The following MEGF10 variants were observed in gnomAD, a reference collection of about 807,000 sequenced individuals.
MEGF10 encodes the protein multiple EGF like domains 10.
In MEGF10, 86 loss-of-function variants were observed where a neutral mutation model predicts 147.5. That is an observed-to-expected ratio of 0.58 (90% confidence interval 0.49 to 0.70). MEGF10 has a LOEUF of 0.70. Ranked by LOEUF, MEGF10 falls within the 30% of genes least tolerant of loss-of-function variation. The probability of loss-of-function intolerance (pLI) is 0.00; values close to 1 mark genes in which losing one functional copy is unlikely to be tolerated. For synonymous variants in MEGF10, 478 were observed against 525.5 expected, an observed-to-expected ratio of 0.91 and a Z score of 1.24; for missense variants, 1,329 against 1,487.3, an observed-to-expected ratio of 0.89 and a Z score of 1.75.
At chr5:127,430,403 C>A (rs935901111) in intron 13 of MEGF10, among the ~76,000 whole-genome samples, 7 of 152,294 alleles carry the variant, frequency 4.6e-5, no homozygotes, top group Admixed American at 3.9e-4. Context: ...ACTTACAACT[C>A]TTCATCCTGG....
intron 5 of MEGF10, among the ~76,000 whole-genome samples, chr5:127,388,540 TA>T (rs1763524531): frequency 6.7e-6 from 1 of 150,226 alleles, no homozygotes; most frequent in Non-Finnish European, 1.5e-5. Flanking sequence ...TTTATTTATT[TA>T]TTTATTTATT....
the MEGF10 span, among the ~76,000 whole-genome samples, chr5:127,249,353 GAGA>G: frequency 1.1e-4 from 17 of 150,320 alleles, no homozygotes; most frequent in South Asian, 4.2e-4. Context: ...GAGAGAGAGA[GAGA>G]AGAAGAAGGA....
At chr5:127,262,562 C>G in the MEGF10 span, among the ~76,000 whole-genome samples, 28 of 152,172 alleles carry the variant, frequency 1.8e-4, no homozygotes, top group Non-Finnish European at 3.4e-4. Flanking sequence ...GGTGTCTAGA[C>G]AGAAAGCAGG....
At chr5:127,433,197 T>C (rs911198410) in intron 13 of MEGF10, among the ~76,000 whole-genome samples, 166 bp from the exon 14 acceptor site, 4 of 152,362 alleles carry the variant, frequency 2.6e-5, no homozygotes, top group African/African-American at 9.6e-5. Context: ...ATTATTTTAA[T>C]GTTATGATAC....
intron 4 of MEGF10, among the ~76,000 whole-genome samples, chr5:127,341,190 G>A (rs1431503802): frequency 6.6e-6 from 1 of 152,190 alleles, no homozygotes; most frequent in African/African-American, 2.4e-5. Context: ...CTTGAGAGAA[G>A]TTTCGTATCT....
intron 5 of MEGF10, among the ~76,000 whole-genome samples, chr5:127,377,380 C>T (rs1300209392): frequency 1.3e-5 from 2 of 152,302 alleles, no homozygotes; most frequent in Middle Eastern, 3.4e-3. Context: ...TTTTCAAATG[C>T]TTGTCCCTCG....
the MEGF10 span, among the ~76,000 whole-genome samples, chr5:127,277,846 A>G: frequency 3.3e-5 from 5 of 152,186 alleles, no homozygotes; most frequent in Admixed American, 6.5e-5. Flanking sequence ...AATGAAAGGA[A>G]AAAGATGCCA....
chr5:127,255,626 A>C, the MEGF10 span, among the ~76,000 whole-genome samples: 1 of 152,194 alleles, frequency 6.6e-6, no homozygotes, highest in Non-Finnish European at 1.5e-5. Context: ...AATACAATGG[A>C]TAGAGCTAAA....
chr5:127,277,926 G>A, the MEGF10 span, among the ~76,000 whole-genome samples: 1 of 152,152 alleles, frequency 6.6e-6, no homozygotes, highest in Admixed American at 6.6e-5. Flanking sequence ...TAGGAGTTGG[G>A]TTTTGAACAT....
chr5:127,331,876 T>C (rs1355341414), intron 2 of MEGF10, among the ~76,000 whole-genome samples: 2 of 152,014 alleles, frequency 1.3e-5, no homozygotes, highest in Non-Finnish European at 1.5e-5. Flanking sequence ...CTAAATTTGG[T>C]GTAAACTGGC....
At chr5:127,309,957 CT>C (rs1291325184) in intron 1 of MEGF10, among the ~76,000 whole-genome samples, 2 of 58,746 alleles carry the variant, frequency 3.4e-5, no homozygotes, top group Non-Finnish European at 7.5e-5. Flanking sequence ...CTCTTTCTTT[CT>C]TTCTTTCTTT....
chr5:127,296,809 A>G (rs1759521944), intron 1 of MEGF10, among the ~76,000 whole-genome samples: 1 of 152,236 alleles, frequency 6.6e-6, no homozygotes, highest in African/African-American at 2.4e-5. Flanking sequence ...GACTAATCCT[A>G]CAATCAAAAC....
chr5:127,339,061 G>A (rs1011910537), intron 2 of MEGF10, 59 bp from the exon 3 acceptor site: 3 of 1,085,386 alleles, frequency 2.8e-6, no homozygotes, highest in Non-Finnish European at 4.1e-6. Flanking sequence ...TAAATACATA[G>A]TATATTATTA....
At chr5:127,249,173 T>C in the MEGF10 span, among the ~76,000 whole-genome samples, 2 of 152,064 alleles carry the variant, frequency 1.3e-5, no homozygotes, top group African/African-American at 4.8e-5. Context: ...CTAATATATG[T>C]AATAGTAAAA....
chr5:127,280,466 G>A, the MEGF10 span, among the ~76,000 whole-genome samples: 2 of 152,134 alleles, frequency 1.3e-5, no homozygotes, highest in African/African-American at 4.8e-5. Flanking sequence ...TTTCATAATA[G>A]CATTTCTCCA....
intron 1 of MEGF10, among the ~76,000 whole-genome samples, chr5:127,296,840 C>T (rs1350539701): frequency 3.3e-5 from 5 of 152,234 alleles, no homozygotes; most frequent in South Asian, 2.1e-4. Context: ...AAATATCCAC[C>T]CCTATTGACA....
the MEGF10 span, among the ~76,000 whole-genome samples, chr5:127,237,359 G>A: frequency 6.6e-6 from 1 of 152,148 alleles, no homozygotes; most frequent in East Asian, 1.9e-4. Context: ...GGGCGTGGTG[G>A]TGGGTGCCTA....
At chr5:127,413,068 G>A (rs1172310957) in intron 9 of MEGF10, among the ~76,000 whole-genome samples, 3 of 152,124 alleles carry the variant, frequency 2.0e-5, no homozygotes, top group African/African-American at 4.8e-5. Context: ...ATCTAACCAA[G>A]TCCAGATTCA....
intron 18 of MEGF10, among the ~76,000 whole-genome samples, chr5:127,442,076 T>C (rs1294024196): frequency 6.6e-6 from 1 of 152,228 alleles, no homozygotes; most frequent in Non-Finnish European, 1.5e-5. Context: ...TATAAATGTC[T>C]AAATATGCAT....
Sources: allele counts gnomAD v4.1 joint callset (sites outside exome capture counted in the v4.1 genomes callset), GRCh38; gene constraint gnomAD v4.1.1; transcripts MANE v1.5; gene names NCBI Gene and HGNC (gene_info 2026-07-23, HGNC 2026-07-21).